KCNIP4: variants seen among roughly 807,000 people sequenced by gnomAD.
KCNIP4 encodes the protein potassium voltage-gated channel interacting protein 4.
In KCNIP4, 12 loss-of-function variants were observed where a neutral mutation model predicts 34.0. That is an observed-to-expected ratio of 0.35 (90% CI 0.23 to 0.57). The LOEUF is 0.57. Among genes scored for constraint, KCNIP4 ranks in the 20% least tolerant of loss-of-function variants. The probability of loss-of-function intolerance (pLI) is 0.83; values close to 1 mark genes in which losing one functional copy is unlikely to be tolerated. For synonymous variants in KCNIP4, 124 were observed against 102.2 expected, an observed-to-expected ratio of 1.21 and a Z score of -1.29; for missense variants, 238 against 311.7, an observed-to-expected ratio of 0.76 and a Z score of 1.78.
intron 1 of KCNIP4, among the ~76,000 whole-genome samples, chr4:21,356,715 C>T (rs1034749588): frequency 6.6e-6 from 1 of 152,018 alleles, no homozygotes; most frequent in Non-Finnish European, 1.5e-5. Flanking sequence ...TAGGAAGAAT[C>T]AATATCGTGA....
chr4:20,781,451 C>T (rs1209555097), intron 3 of KCNIP4, among the ~76,000 whole-genome samples: 1 of 152,132 alleles, frequency 6.6e-6, no homozygotes, highest in East Asian at 1.9e-4. Context: ...TAAAGACATA[C>T]CCAAGACTGG....
intron 1 of KCNIP4, among the ~76,000 whole-genome samples, chr4:21,801,027 T>G (rs1578007611): frequency 6.6e-6 from 1 of 152,162 alleles, no homozygotes; most frequent in Non-Finnish European, 1.5e-5. Flanking sequence ...TGTGCAAGAT[T>G]TTTTGAGGAC....
At chr4:21,294,033 C>T (rs1560262482) in intron 1 of KCNIP4, among the ~76,000 whole-genome samples, 1 of 152,240 alleles carries the variant, frequency 6.6e-6, no homozygotes, top group African/African-American at 2.4e-5. Context: ...ATTTCACAAG[C>T]ATATACTTTG....
intron 1 of KCNIP4, among the ~76,000 whole-genome samples, chr4:21,262,333 C>T (rs1327523980): frequency 6.6e-6 from 1 of 152,058 alleles, no homozygotes; most frequent in Non-Finnish European, 1.5e-5. Flanking sequence ...ATATTCACTC[C>T]CAACTGCCAG....
intron 1 of KCNIP4, among the ~76,000 whole-genome samples, chr4:21,406,201 C>A (rs1723977859): frequency 6.6e-6 from 1 of 152,082 alleles, no homozygotes; most frequent in African/African-American, 2.4e-5. Context: ...TGCTTCTCGG[C>A]CTCTTGCAGC....
intron 1 of KCNIP4, among the ~76,000 whole-genome samples, chr4:21,516,954 A>C (rs1734818055): frequency 6.6e-6 from 1 of 152,090 alleles, no homozygotes; most frequent in South Asian, 2.1e-4. Context: ...AATACCAAAG[A>C]CTGGTGGAGG....
chr4:21,255,911 A>T (rs1165184995), intron 1 of KCNIP4, among the ~76,000 whole-genome samples: 1 of 152,166 alleles, frequency 6.6e-6, no homozygotes, highest in Admixed American at 6.5e-5. Context: ...AGTGCCTATA[A>T]TATGTCAAGC....
chr4:21,603,658 A>G (rs1305527738), intron 1 of KCNIP4, among the ~76,000 whole-genome samples: 3 of 152,088 alleles, frequency 2.0e-5, no homozygotes, highest in Non-Finnish European at 2.9e-5. Context: ...GTGGCCATGA[A>G]TCTTCCAATC....
chr4:21,385,546 A>G (rs531551082), intron 1 of KCNIP4, among the ~76,000 whole-genome samples: 7 of 152,316 alleles, frequency 4.6e-5, no homozygotes, highest in African/African-American at 1.7e-4. Flanking sequence ...AGAAGATTCA[A>G]TTTCTTAATC....
chr4:21,493,305 G>A (rs1196192226), intron 1 of KCNIP4, among the ~76,000 whole-genome samples: 1 of 152,018 alleles, frequency 6.6e-6, no homozygotes, highest in Non-Finnish European at 1.5e-5. Context: ...AGTGCCATTA[G>A]GTGTGTTGTG....
intron 1 of KCNIP4, among the ~76,000 whole-genome samples, chr4:21,197,257 C>G (rs1319975187): frequency 6.6e-6 from 1 of 152,060 alleles, no homozygotes; most frequent in African/African-American, 2.4e-5. Flanking sequence ...GCACTATTTT[C>G]TTTTGGGTAT....
intron 1 of KCNIP4, among the ~76,000 whole-genome samples, chr4:21,020,605 G>A (rs1034031044): frequency 6.6e-6 from 1 of 151,946 alleles, no homozygotes; most frequent in African/African-American, 2.4e-5. Context: ...GCCATTCTTC[G>A]GCTATATGAG....
intron 1 of KCNIP4, among the ~76,000 whole-genome samples, chr4:21,812,731 A>G (rs1307364555): frequency 2.0e-5 from 3 of 151,978 alleles, no homozygotes; most frequent in Non-Finnish European, 4.4e-5. Flanking sequence ...AGAACACACA[A>G]AGATCATACA....
chr4:21,838,876 A>C (rs144578246), intron 1 of KCNIP4, among the ~76,000 whole-genome samples: 1 of 152,190 alleles, frequency 6.6e-6, no homozygotes, highest in African/African-American at 2.4e-5. Flanking sequence ...TTTCTCTTGA[A>C]TATCTCATTC....
chr4:20,750,168 CATT>C (rs982401994), intron 4 of KCNIP4, among the ~76,000 whole-genome samples: 4 of 152,206 alleles, frequency 2.6e-5, no homozygotes, highest in African/African-American at 9.7e-5. Context: ...GAACTTTCAT[CATT>C]GTTACAACTC....
intron 1 of KCNIP4, among the ~76,000 whole-genome samples, chr4:21,622,603 T>G: frequency 6.6e-6 from 1 of 152,276 alleles, no homozygotes; most frequent in Non-Finnish European, 1.5e-5. Flanking sequence ...TTTATATCAC[T>G]GGAGCATGAC....
At chr4:21,853,346 G>T (rs1724533510) in intron 1 of KCNIP4, among the ~76,000 whole-genome samples, 1 of 152,184 alleles carries the variant, frequency 6.6e-6, no homozygotes, top group Non-Finnish European at 1.5e-5. Context: ...ACCGGTCTGG[G>T]AAATGAAAGA....
At chr4:20,925,589 G>A (rs542489271) in intron 1 of KCNIP4, among the ~76,000 whole-genome samples, 1 of 152,274 alleles carries the variant, frequency 6.6e-6, no homozygotes, top group South Asian at 2.1e-4. Context: ...CTATAGAGTA[G>A]CGATTCTTTT....
At chr4:21,032,192 T>G (rs1039270361) in intron 1 of KCNIP4, among the ~76,000 whole-genome samples, 12 of 152,186 alleles carry the variant, frequency 7.9e-5, no homozygotes, top group Non-Finnish European at 1.6e-4. Context: ...AAACAAAGGA[T>G]AAAGAAAGCT....
Sources: allele counts gnomAD v4.1 joint callset (sites outside exome capture counted in the v4.1 genomes callset), GRCh38; gene constraint gnomAD v4.1.1; transcripts MANE v1.5; gene names NCBI Gene and HGNC (gene_info 2026-07-23, HGNC 2026-07-21).